Variants in PIBF1 observed in about 807,000 individuals in gnomAD.
PIBF1 encodes the protein progesterone-induced-blocking factor 1.
A neutral mutation model predicts 112.5 loss-of-function variants in PIBF1; 90 were observed. That is an observed-to-expected ratio of 0.80 (90% confidence interval 0.67 to 0.95). PIBF1 has a LOEUF of 0.95. Ranked by LOEUF, PIBF1 falls within the 40% of genes least tolerant of loss-of-function variation. The pLI is 0.00. For synonymous variants in PIBF1, 301 were observed against 288.6 expected, an observed-to-expected ratio of 1.04 and a Z score of -0.44; for missense variants, 915 against 852.3, an observed-to-expected ratio of 1.07 and a Z score of -0.92.
chr13:72,984,732 T>C (rs930254373), intron 16 of PIBF1, among the ~76,000 whole-genome samples: 11 of 152,196 alleles, frequency 7.2e-5, no homozygotes, highest in Non-Finnish European at 1.2e-4. Context: ...AAAATTGTTT[T>C]GGTTTTTGTA....
chr13:72,980,973 G>T (rs1298819728), intron 16 of PIBF1, among the ~76,000 whole-genome samples: 1 of 152,014 alleles, frequency 6.6e-6, no homozygotes, highest in African/African-American at 2.4e-5. Flanking sequence ...AGCCAGGCAC[G>T]GTGGCTCACG....
chr13:72,826,401 C>T (rs1460537536), intron 6 of PIBF1, among the ~76,000 whole-genome samples: 1 of 152,190 alleles, frequency 6.6e-6, no homozygotes, highest in Non-Finnish European at 1.5e-5. Context: ...AGTGCAAAGG[C>T]ACTGCTTCTG....
At chr13:72,921,485 GAT>G (rs1040265867) in intron 13 of PIBF1, among the ~76,000 whole-genome samples, 1 of 151,608 alleles carries the variant, frequency 6.6e-6, no homozygotes, top group Admixed American at 6.6e-5. Context: ...AATGTATACA[GAT>G]ATATATATAT....
chr13:72,946,000 C>T (rs1382516707), intron 14 of PIBF1, among the ~76,000 whole-genome samples: 3 of 152,042 alleles, frequency 2.0e-5, no homozygotes, highest in Non-Finnish European at 4.4e-5. Context: ...GCCAGTGTGT[C>T]CAGACTTCTT....
chr13:72,815,335 A>G (rs925748284), intron 5 of PIBF1, among the ~76,000 whole-genome samples: 3 of 152,348 alleles, frequency 2.0e-5, no homozygotes, highest in Middle Eastern at 3.4e-3. Flanking sequence ...ATCAGATGCA[A>G]CAGCAATTAG....
At chr13:72,819,919 ACTC>A (rs1481211850) in intron 5 of PIBF1, among the ~76,000 whole-genome samples, 1 of 149,894 alleles carries the variant, frequency 6.7e-6, no homozygotes, top group African/African-American at 2.5e-5. Flanking sequence ...TTCTGCGAAT[ACTC>A]CTTTGGGTTT....
chr13:72,911,042 G>A (rs982388524), intron 12 of PIBF1, among the ~76,000 whole-genome samples: 1 of 152,134 alleles, frequency 6.6e-6, no homozygotes, highest in Non-Finnish European at 1.5e-5. Context: ...GCCCTGTGTG[G>A]TGGTGCACTC....
chr13:72,856,705 A>G (rs2038437984), intron 10 of PIBF1, among the ~76,000 whole-genome samples: 4 of 152,212 alleles, frequency 2.6e-5, no homozygotes, highest in Admixed American at 2.6e-4. Flanking sequence ...TAATATCAAT[A>G]AATGAAGGGA....
At chr13:72,821,729 AT>A in intron 5 of PIBF1, 119 bp from the exon 6 acceptor site, 24 of 661,574 alleles carry the variant, frequency 3.6e-5, no homozygotes, top group Non-Finnish European at 5.0e-5. Context: ...AAATTGAGGA[AT>A]TTTTTTTACT....
At chr13:72,815,305 CTTCA>C (rs1240045182) in intron 5 of PIBF1, among the ~76,000 whole-genome samples, 1 of 152,166 alleles carries the variant, frequency 6.6e-6, no homozygotes, top group African/African-American at 2.4e-5. Flanking sequence ...TGGAGAATAG[CTTCA>C]TGAACACATT....
At chr13:73,011,397 T>A (rs952888713) in intron 17 of PIBF1, among the ~76,000 whole-genome samples, 1 of 152,064 alleles carries the variant, frequency 6.6e-6, no homozygotes, top group African/African-American at 2.4e-5. Flanking sequence ...CAGTAAATAT[T>A]GGGAGAAAAA....
chr13:73,010,810 C>CTTTTTTT lies in PIBF1; in HGVS notation c.2224-5035_2224-5029dup, dbSNP rs1176079981. On this transcript the variant is annotated intron_variant, in intron 17 of 17. Coordinates refer to ENST00000326291, the MANE Select transcript of PIBF1 (RefSeq NM_006346.4). ...CTGAGCTGGAAAATCATTAACTTTT[C>CTTTTTTT]TTTTTTTTTTTTTTTTTTTTTTTTT... Among the ~76,000 whole-genome samples, 78 of 40,302 alleles carry CTTTTTTT rather than the reference C, an allele frequency of 1.9e-3. 17 individuals carry two copies. Among genetic ancestry groups the CTTTTTTT allele is most frequent in the African/African-American group, 2.8e-3 (29 of 10,460 alleles). 26.4% of individuals were successfully genotyped at this position (40,302 alleles called of 152,430 possible). A position where few individuals can be genotyped will look rare whatever the true frequency, so the allele number is the denominator to read the frequency against.
At chr13:72,990,057 T>C (rs2043423473) in intron 16 of PIBF1, among the ~76,000 whole-genome samples, 1 of 147,770 alleles carries the variant, frequency 6.8e-6, no homozygotes, top group Non-Finnish European at 1.5e-5. Context: ...ACACTAAAAA[T>C]ATAAAAATTA....
chr13:72,969,473 G>A (rs906978694), intron 15 of PIBF1: 1 of 152,120 alleles, frequency 6.6e-6, no homozygotes, highest in Non-Finnish European at 1.5e-5. Context: ...CTTAATTGAA[G>A]CAACTACCTT....
chr13:72,898,850 G>GAAAAAAAAAAAAAAAA (rs796629828), intron 11 of PIBF1, among the ~76,000 whole-genome samples: 1 of 99,228 alleles, frequency 1.0e-5, no homozygotes, highest in Non-Finnish European at 2.1e-5. Flanking sequence ...CTCCATCTCA[G>GAAAAAAAAAAAAAAAA]AAAAAAAAAA....
At position 72,797,981 on chromosome 13, in the gene PIBF1, A is replaced by G; in HGVS notation, c.627A>G (p.Ala209=). The G allele has an allele frequency of 6.2e-7, 1 of 1,609,862 alleles. No homozygotes were observed. The highest frequency in any genetic ancestry group is 8.5e-7 in the Non-Finnish European group (1 of 1,178,198). Residue 209 remains alanine (A), a synonymous_variant, in exon 5 of 18, where the codon GCA becomes GCG. Transcript: ENST00000326291. ...CELQVKKNIL[A]EELSTNKNQL... ...TACAAGTGAAAAAGAATATCCTAGC[A>G]GAAGAATTAAGTACAAACAAAAACC... is the stretch of plus-strand genomic sequence containing the variant.
intron 2 of PIBF1, 65 bp downstream of exon 2, chr13:72,783,786 A>G: frequency 7.6e-7 from 1 of 1,314,738 alleles, no homozygotes; most frequent in Non-Finnish European, 1.1e-6. Context: ...GGTAAATAAG[A>G]ATTAAATACA....
rs139385090 is a variant in PIBF1, at chr13:72,985,996, A to T, written c.2049+12321A>T. Among the ~76,000 whole-genome samples the T allele has an allele frequency of 8.8e-3, 1,342 of 151,872 alleles. 70 individuals are homozygous for T. The highest frequency in any genetic ancestry group is 0.013 in the East Asian group (68 of 5,144). On this transcript the variant is annotated intron_variant, in intron 16 of 17. Coordinates refer to ENST00000326291, the MANE Select transcript of PIBF1 (RefSeq NM_006346.4). The stretch of plus-strand genomic sequence containing the variant: ...TGAGACTCCATCTCTAGAAAAAAAA[A>T]TTTTTTAAAATAAATAATTAGCTAG...
intron 10 of PIBF1, among the ~76,000 whole-genome samples, chr13:72,867,499 A>G (rs544531331): frequency 2.0e-4 from 31 of 152,308 alleles, no homozygotes; most frequent in South Asian, 4.1e-4. Flanking sequence ...AGATGTGTCT[A>G]TGTTCTCTTT....
Sources: allele counts gnomAD v4.1 joint callset (sites outside exome capture counted in the v4.1 genomes callset), GRCh38; gene constraint gnomAD v4.1.1; transcripts MANE v1.5; gene names NCBI Gene and HGNC (gene_info 2026-07-23, HGNC 2026-07-21).